Variants in RBFOX3 observed in about 807,000 individuals in gnomAD.
RBFOX3 encodes the protein RNA binding fox-1 homolog 3.
In RBFOX3, 17 loss-of-function variants were observed where a neutral mutation model predicts 48.7. The ratio of observed to expected loss-of-function variants is 0.35; its 90% confidence interval spans 0.24 to 0.52. The LOEUF (loss-of-function observed/expected upper bound fraction) is 0.52, where lower values mean the gene tolerates loss of function less well. Among genes scored for constraint, RBFOX3 ranks in the 20% least tolerant of loss-of-function variants. The probability of loss-of-function intolerance (pLI) is 0.94; values close to 1 mark genes in which losing one functional copy is unlikely to be tolerated. For synonymous variants in RBFOX3, 212 were observed against 209.5 expected (o/e 1.01, Z -0.10); for missense variants, 382 against 497.5 (o/e 0.77, Z 2.21).
intron 4 of RBFOX3, among the ~76,000 whole-genome samples, chr17:79,119,413 T>C (rs552443790): frequency 2.6e-5 from 4 of 152,318 alleles, no homozygotes; most frequent in Middle Eastern, 3.4e-3. Flanking sequence ...ACAAAGTGAT[T>C]TGCCAAACTA....
chr17:79,101,461 G>T, intron 9 of RBFOX3, 123 bp downstream of exon 9: 2 of 868,856 alleles, frequency 2.3e-6, no homozygotes, highest in Non-Finnish European at 3.7e-6. Context: ...CCCAGGGCTG[G>T]GACACTGGGG....
chr17:79,524,750 G>C (rs1188482130), intron 1 of RBFOX3, among the ~76,000 whole-genome samples: 1 of 152,194 alleles, frequency 6.6e-6, no homozygotes, highest in African/African-American at 2.4e-5. Context: ...CCGTGCAGCA[G>C]GTTTGTAAAT....
intron 3 of RBFOX3, among the ~76,000 whole-genome samples, chr17:79,253,107 C>T (rs1384676966): frequency 6.6e-6 from 1 of 152,186 alleles, no homozygotes; most frequent in Non-Finnish European, 1.5e-5. Flanking sequence ...CCCCCTTCTT[C>T]TTTCAGCCCA....
At chr17:79,180,461 G>C (rs1420296324) in intron 4 of RBFOX3, among the ~76,000 whole-genome samples, 3 of 152,184 alleles carry the variant, frequency 2.0e-5, no homozygotes, top group Admixed American at 2.0e-4. Flanking sequence ...TGAATGTACA[G>C]CCTACATATG....
At chr17:79,455,761 C>G (rs532105372) in intron 2 of RBFOX3, among the ~76,000 whole-genome samples, 9 of 152,316 alleles carry the variant, frequency 5.9e-5, no homozygotes, top group South Asian at 2.1e-4. Context: ...CACACTCACA[C>G]TCATCCACAG....
intron 4 of RBFOX3, among the ~76,000 whole-genome samples, chr17:79,193,492 C>A (rs1217918470): frequency 6.6e-6 from 1 of 152,184 alleles, no homozygotes; most frequent in African/African-American, 2.4e-5. Context: ...TCTCTAAACC[C>A]AGCCCCATTG....
intron 2 of RBFOX3, among the ~76,000 whole-genome samples, chr17:79,365,130 C>CAT (rs1411578906): frequency 8.7e-6 from 1 of 114,530 alleles, no homozygotes; most frequent in Non-Finnish European, 1.9e-5. Flanking sequence ...GATGTGCGCA[C>CAT]ACACACACAC....
chr17:79,147,879 C>T (rs1374995802), intron 4 of RBFOX3, among the ~76,000 whole-genome samples: 2 of 152,254 alleles, frequency 1.3e-5, no homozygotes, highest in Non-Finnish European at 2.9e-5. Context: ...GAAACAGAGG[C>T]TGTGAAGGGG....
chr17:79,101,563 T>G, intron 9 of RBFOX3, 21 bp downstream of exon 9: 1 of 1,547,974 alleles, frequency 6.5e-7, no homozygotes. Context: ...AGCAGCCTTG[T>G]GGGGGGACCC....
intron 2 of RBFOX3, among the ~76,000 whole-genome samples, chr17:79,453,869 G>A (rs1373817150): frequency 1.7e-4 from 26 of 152,168 alleles, no homozygotes; most frequent in Admixed American, 1.7e-3. Context: ...TTGGCTGGCA[G>A]AGGAGAGGAA....
chr17:79,472,351 C>A (rs1555757483), intron 2 of RBFOX3, among the ~76,000 whole-genome samples: 1 of 152,196 alleles, frequency 6.6e-6, no homozygotes, highest in East Asian at 1.9e-4. Flanking sequence ...CTATTATGGA[C>A]TGAATCATGC....
At chr17:79,633,555 C>T in the RBFOX3 span, among the ~76,000 whole-genome samples, 4 of 152,232 alleles carry the variant, frequency 2.6e-5, no homozygotes, top group African/African-American at 9.6e-5. Context: ...GATGCCTCCG[C>T]AGGCCCCCAG....
intron 4 of RBFOX3, among the ~76,000 whole-genome samples, chr17:79,124,930 C>T (rs2036777472): frequency 6.7e-6 from 1 of 149,432 alleles, no homozygotes; most frequent in Non-Finnish European, 1.5e-5. Context: ...CGGGGGGAGC[C>T]CAGTCCACGA....
At chr17:79,545,305 A>C (rs782190372) in intron 1 of RBFOX3, among the ~76,000 whole-genome samples, 10 of 152,188 alleles carry the variant, frequency 6.6e-5, no homozygotes, top group Non-Finnish European at 1.5e-4. Flanking sequence ...CCAGGAAAGA[A>C]GGAAGGGGCC....
chr17:79,620,439 G>GTGCC, the RBFOX3 span, among the ~76,000 whole-genome samples: 2 of 135,080 alleles, frequency 1.5e-5, no homozygotes, highest in African/African-American at 2.7e-5. Context: ...GTGCACACAT[G>GTGCC]CACATGCACA....
At chr17:79,522,814 C>A (rs1182101475) in intron 1 of RBFOX3, among the ~76,000 whole-genome samples, 2 of 151,480 alleles carry the variant, frequency 1.3e-5, no homozygotes, top group South Asian at 2.1e-4. Flanking sequence ...CCTGTAATCC[C>A]AGCTACTAGG....
At position 79,484,854 on chromosome 17, in the gene RBFOX3, C is replaced by A. The variant is rs1310309062; in HGVS notation, c.-319-2256G>T. Among the ~76,000 whole-genome samples the A allele has an allele frequency of 2.0e-5, 3 of 152,322 alleles. No homozygotes were observed. In the East Asian group the frequency reaches 5.8e-4, roughly 29 times the overall value. On this transcript the variant is annotated intron_variant, in intron 1 of 14. Transcript: ENST00000693108. ...TCTGAGCCTGCTGTCCACACCCCCACAGCCCCAGCTTCCAGCTGTTCCAAT... is the reference window on the plus strand; with the variant it reads ...TCTGAGCCTGCTGTCCACACCCCCAAAGCCCCAGCTTCCAGCTGTTCCAAT...
chr17:79,310,676 G>T (rs1356321873), intron 2 of RBFOX3, among the ~76,000 whole-genome samples: 1 of 152,182 alleles, frequency 6.6e-6, no homozygotes. Context: ...GCCTCTGCCC[G>T]GGCCCTTCTG....
intron 2 of RBFOX3, among the ~76,000 whole-genome samples, chr17:79,475,380 G>A (rs2077585220): frequency 1.3e-5 from 2 of 152,136 alleles, no homozygotes; most frequent in African/African-American, 4.8e-5. Context: ...TCAGTGTCTG[G>A]GTGAGATCAG....
Sources: gnomAD v4.1 joint callset for allele counts (sites outside exome capture counted in the v4.1 genomes callset) on GRCh38, gnomAD v4.1.1 for gene constraint, MANE v1.5 for transcripts, NCBI Gene and HGNC (gene_info 2026-07-23, HGNC 2026-07-21) for gene names.